DOCK1: variants seen among roughly 807,000 people sequenced by gnomAD.
DOCK1 encodes dedicator of cytokinesis 1, also known as dedicator of cytokinesis protein 1.
In DOCK1, 138 loss-of-function variants were observed where a neutral mutation model predicts 262.7. The ratio of observed to expected loss-of-function variants is 0.53; its 90% CI spans 0.46 to 0.61. The LOEUF is 0.61. DOCK1 is among the 20% of genes least tolerant of loss of function. The pLI is 0.00. For synonymous variants in DOCK1, 866 were observed against 867.4 expected, an observed-to-expected ratio of 1.00 and a Z score of 0.03; for missense variants, 1,908 against 2,370.7, an observed-to-expected ratio of 0.80 and a Z score of 4.05.
chr10:127,322,014 G>T (rs576879908), intron 29 of DOCK1, among the ~76,000 whole-genome samples: 7 of 151,842 alleles, frequency 4.6e-5, no homozygotes, highest in African/African-American at 1.7e-4. Flanking sequence ...GAGGCACGAG[G>T]ATCACTTGAA....
intron 27 of DOCK1, among the ~76,000 whole-genome samples, chr10:127,247,646 A>G (rs1319945875): frequency 6.6e-6 from 1 of 152,140 alleles, no homozygotes; most frequent in African/African-American, 2.4e-5. Flanking sequence ...GAAACACTTG[A>G]GGTATTAATA....
chr10:127,397,263 C>T (rs1158758830), intron 38 of DOCK1, among the ~76,000 whole-genome samples: 3 of 140,900 alleles, frequency 2.1e-5, no homozygotes, highest in East Asian at 2.2e-4. Flanking sequence ...GTTACACGGG[C>T]GGCGACTCCT....
chr10:126,973,554 C>G (rs535173504), intron 2 of DOCK1, among the ~76,000 whole-genome samples: 44 of 152,266 alleles, frequency 2.9e-4, no homozygotes, highest in African/African-American at 1.1e-3. Flanking sequence ...GTCATTCTTT[C>G]TAGATTCTGA....
intron 30 of DOCK1, among the ~76,000 whole-genome samples, chr10:127,341,607 A>G (rs181967136): frequency 2.0e-5 from 3 of 152,262 alleles, no homozygotes; most frequent in Admixed American, 1.3e-4. Context: ...GGTCTCACAC[A>G]TGACTTGCTG....
intron 1 of DOCK1, among the ~76,000 whole-genome samples, chr10:126,907,705 A>G (rs1305311472): frequency 2.0e-5 from 3 of 152,034 alleles, no homozygotes; most frequent in Non-Finnish European, 4.4e-5. Flanking sequence ...GAATGTTCGT[A>G]GATGGGAGAA....
chr10:127,295,135 G>C (rs2061463659), intron 29 of DOCK1, among the ~76,000 whole-genome samples: 1 of 152,128 alleles, frequency 6.6e-6, no homozygotes, highest in Non-Finnish European at 1.5e-5. Context: ...CCTGAGGCTG[G>C]GTAACTTGAT....
chr10:127,142,699 G>A lies in DOCK1; in HGVS notation c.2847+14935G>A, dbSNP rs115742245. ...AGGGATTTACCTTTGTAGCCCTCTC[G>A]CTGCCTGCACCTCCATTCTCCCTCC... On this transcript the variant is annotated intron_variant, in intron 27 of 51. Transcript: ENST00000623213. 3.6e-3 allele frequency among the ~76,000 whole-genome samples: 541 copies of A among 152,242 alleles called. 3 individuals are homozygous for A. The highest frequency in any genetic ancestry group is 0.012 in the African/African-American group (508 of 41,532).
chr10:127,042,286 T>A (rs1226192059), intron 19 of DOCK1, among the ~76,000 whole-genome samples: 4 of 152,198 alleles, frequency 2.6e-5, no homozygotes, highest in Middle Eastern at 3.4e-3. Flanking sequence ...GTGTGTAGAA[T>A]GAGTGAGATG....
chr10:127,402,928 T>C (rs1190990681), intron 38 of DOCK1, 127 bp from the exon 39 acceptor site: 9 of 917,138 alleles, frequency 9.8e-6, no homozygotes, highest in Non-Finnish European at 3.3e-6. Context: ...TTTTTCGGTG[T>C]TATTCCCATA....
intron 24 of DOCK1, among the ~76,000 whole-genome samples, chr10:127,108,877 G>A (rs1392863464): frequency 1.3e-5 from 2 of 152,110 alleles, no homozygotes; most frequent in Non-Finnish European, 2.9e-5. Context: ...TCAATAACTT[G>A]TCCATGATAA....
chr10:127,398,069 A>G (rs570618794), intron 38 of DOCK1, among the ~76,000 whole-genome samples: 2 of 152,312 alleles, frequency 1.3e-5, no homozygotes, highest in East Asian at 3.9e-4. Context: ...TGGCTGATCC[A>G]TCTTGTGCAC....
intron 25 of DOCK1, among the ~76,000 whole-genome samples, chr10:127,123,860 G>A (rs2049773786): frequency 6.6e-6 from 1 of 152,196 alleles, no homozygotes; most frequent in Non-Finnish European, 1.5e-5. Context: ...TCCAGAAGAT[G>A]TGCAGCTCTT....
intron 30 of DOCK1, among the ~76,000 whole-genome samples, chr10:127,342,259 T>C (rs2063467063): frequency 6.6e-6 from 1 of 152,114 alleles, no homozygotes; most frequent in Non-Finnish European, 1.5e-5. Context: ...GTGGCAAGGC[T>C]GAAATCGGTG....
chr10:127,082,458 A>T (rs190525606), intron 23 of DOCK1, among the ~76,000 whole-genome samples: 1 of 152,176 alleles, frequency 6.6e-6, no homozygotes, highest in Non-Finnish European at 1.5e-5. Context: ...CATGTCTTAC[A>T]TGGCGGCAGG....
intron 27 of DOCK1, among the ~76,000 whole-genome samples, chr10:127,235,953 T>A (rs1290522164): frequency 6.6e-6 from 1 of 152,130 alleles, no homozygotes; most frequent in African/African-American, 2.4e-5. Context: ...TTTTTGCCAA[T>A]TTTTGGTGGG....
chr10:127,099,980 GC>G (rs1295173174), intron 23 of DOCK1, among the ~76,000 whole-genome samples: 1 of 152,090 alleles, frequency 6.6e-6, no homozygotes, highest in African/African-American at 2.4e-5. Context: ...GAGGGGCCTG[GC>G]CCACCTGGGA....
intron 38 of DOCK1, among the ~76,000 whole-genome samples, chr10:127,396,459 A>T (rs1051501703): frequency 4.6e-5 from 7 of 152,214 alleles, no homozygotes; most frequent in African/African-American, 1.4e-4. Flanking sequence ...TTCTTGTTCC[A>T]ACTCCCCTGT....
chr10:127,397,023 A>G (rs2066905997), intron 38 of DOCK1, among the ~76,000 whole-genome samples: 1 of 136,006 alleles, frequency 7.4e-6, no homozygotes, highest in Admixed American at 7.1e-5. Context: ...TGATCTGAGC[A>G]TGAGTTACAC....
chr10:127,114,857 A>T lies in DOCK1; in HGVS notation c.2623+4503A>T, dbSNP rs137931355. ...CTGCAACCTGTGCCTCCCGGGTTCA[A>T]TCGATTCTCCTGCCTCAGCCTCCTG... On this transcript the variant is annotated intron_variant, in intron 25 of 51. Coordinates refer to ENST00000623213, the MANE Select transcript of DOCK1 (RefSeq NM_001290223.2). Among the ~76,000 whole-genome samples the T allele has an allele frequency of 4.9e-3, 734 of 150,944 alleles. 5 individuals are homozygous for T. The highest frequency in any genetic ancestry group is 0.017 in the African/African-American group (690 of 41,076).
Sources: allele counts gnomAD v4.1 joint callset (sites outside exome capture counted in the v4.1 genomes callset), GRCh38; gene constraint gnomAD v4.1.1; transcripts MANE v1.5; gene names NCBI Gene and HGNC (gene_info 2026-07-23, HGNC 2026-07-21).